GPATCH8: variants seen among roughly 807,000 people sequenced by gnomAD.
The protein encoded by GPATCH8 is G-patch domain containing 8.
In GPATCH8, 18 loss-of-function variants were observed where a neutral mutation model predicts 118.3. The observed-to-expected ratio is 0.15, with a 90% CI of 0.11 to 0.23. The LOEUF (loss-of-function observed/expected upper bound fraction) is 0.23, where lower values mean the gene tolerates loss of function less well. Ranked by LOEUF, GPATCH8 falls within the 10% of genes least tolerant of loss-of-function variation. GPATCH8 has a pLI of 1.00. For missense variants in GPATCH8, 1,631 were observed against 1,873.8 expected (o/e 0.87, Z 2.39); for synonymous variants, 659 against 684.7 (o/e 0.96, Z 0.59).
At chr17:44,461,006 T>C (rs1335039274) in intron 3 of GPATCH8, among the ~76,000 whole-genome samples, 1 of 152,182 alleles carries the variant, frequency 6.6e-6, no homozygotes, top group Admixed American at 6.5e-5. Flanking sequence ...CAATTCTTAA[T>C]GTTGGAAACA....
chr17:44,487,502 C>T (rs1968877225), intron 1 of GPATCH8, among the ~76,000 whole-genome samples: 1 of 152,176 alleles, frequency 6.6e-6, no homozygotes, highest in African/African-American at 2.4e-5. Context: ...AAGTTTTCAG[C>T]TCCTTTGGTT....
At chr17:44,404,300 G>A (rs2049138786) in intron 7 of GPATCH8, among the ~76,000 whole-genome samples, 2 of 151,928 alleles carry the variant, frequency 1.3e-5, no homozygotes, top group South Asian at 2.1e-4. Flanking sequence ...ACCATGCCCG[G>A]CTAATTTTTA....
At chr17:44,422,878 GAAAGAGTAAA>G (rs1009523316) in intron 6 of GPATCH8, among the ~76,000 whole-genome samples, 1 of 152,064 alleles carries the variant, frequency 6.6e-6, no homozygotes, top group Non-Finnish European at 1.5e-5. Flanking sequence ...ACCAGTCTTT[GAAAGAGTAAA>G]AAAGTAACTG....
chr17:44,437,894 AAAAC>A (rs2050563910), intron 3 of GPATCH8, among the ~76,000 whole-genome samples: 1 of 151,784 alleles, frequency 6.6e-6, no homozygotes, highest in Non-Finnish European at 1.5e-5. Context: ...TCACAGTAAA[AAAAC>A]AAAACAAAAA....
chr17:44,434,431 C>T (rs1191855002), intron 5 of GPATCH8, among the ~76,000 whole-genome samples: 22 of 152,130 alleles, frequency 1.4e-4, no homozygotes, highest in Admixed American at 1.2e-3. Flanking sequence ...GGGTCAAGCG[C>T]GGTGACTTAC....
chr17:44,487,028 T>C (rs35250455), intron 1 of GPATCH8, among the ~76,000 whole-genome samples: 2,776 of 152,322 alleles, frequency 0.018, 88 homozygotes, highest in African/African-American at 0.064. Flanking sequence ...AAGTCCATAG[T>C]ACATTAAGAT....
At chr17:44,407,697 C>T (rs2049284623) in intron 6 of GPATCH8, among the ~76,000 whole-genome samples, 1 of 150,538 alleles carries the variant, frequency 6.6e-6, no homozygotes, top group Admixed American at 6.6e-5. Context: ...CACTCTGTTG[C>T]CCAGGCTGGA....
Position 44,396,306 on chromosome 17 carries a change from G to C in GPATCH8, c.*1262C>G. 2.2e-6 allele frequency: 1 copy of C among 454,432 alleles called. No individual in the cohort carries two copies. The highest frequency in any genetic ancestry group is 4.4e-6 in the Non-Finnish European group (1 of 226,784). The allele number at this position is 454,432 out of a possible 1,614,324, so 28.1% of individuals were successfully genotyped here. A position where few individuals can be genotyped will look rare whatever the true frequency, so the allele number is the denominator to read the frequency against. ...GTTGAATCCCCTCCTTCTCCTCTGTGGGGTCTACCTGTTTCTCTGTGTAAA... is the reference window on the plus strand; with the variant it reads ...GTTGAATCCCCTCCTTCTCCTCTGTCGGGTCTACCTGTTTCTCTGTGTAAA... On this transcript the variant is annotated 3_prime_UTR_variant, in exon 8 of 8. Transcript: ENST00000591680.
chr17:44,405,559 C>G (rs113478183), intron 7 of GPATCH8, among the ~76,000 whole-genome samples: 2 of 147,178 alleles, frequency 1.4e-5, no homozygotes, highest in African/African-American at 5.1e-5. Flanking sequence ...GGCTGGAGTA[C>G]AGTGGTGCGA....
intron 5 of GPATCH8, among the ~76,000 whole-genome samples, chr17:44,430,929 G>A (rs1251258591): frequency 6.6e-6 from 1 of 151,552 alleles, no homozygotes; most frequent in Non-Finnish European, 1.5e-5. Context: ...GGGATTACAG[G>A]TGTGAGCCAC....
At chr17:44,404,162 G>C (rs2049132158) in intron 7 of GPATCH8, among the ~76,000 whole-genome samples, 2 of 151,962 alleles carry the variant, frequency 1.3e-5, no homozygotes, top group South Asian at 4.1e-4. Context: ...TTTTGAGACA[G>C]GGTCTTGCTC....
chr17:44,446,515 G>A (rs892593083), intron 3 of GPATCH8, among the ~76,000 whole-genome samples: 2 of 152,072 alleles, frequency 1.3e-5, no homozygotes, highest in East Asian at 1.9e-4. Context: ...CAGTGAAGCC[G>A]AGTTCACACC....
intron 6 of GPATCH8, among the ~76,000 whole-genome samples, chr17:44,417,447 G>A (rs1486353329): frequency 6.6e-6 from 1 of 152,038 alleles, no homozygotes; most frequent in Non-Finnish European, 1.5e-5. Context: ...TCGAACTTTT[G>A]GGCTCAAGTG....
chr17:44,468,867 G>A (rs1967042183), intron 2 of GPATCH8, among the ~76,000 whole-genome samples: 1 of 151,824 alleles, frequency 6.6e-6, no homozygotes, highest in Non-Finnish European at 1.5e-5. Context: ...AATAAATAAG[G>A]CAAAGCTTAT....
chr17:44,443,233 A>G (rs2050764026), intron 3 of GPATCH8, among the ~76,000 whole-genome samples: 1 of 152,264 alleles, frequency 6.6e-6, no homozygotes, highest in African/African-American at 2.4e-5. Context: ...TCTGATTTGC[A>G]AAAGTATTCA....
intron 1 of GPATCH8, among the ~76,000 whole-genome samples, chr17:44,483,209 A>ATATGTATG (rs1968473083): frequency 1.1e-5 from 1 of 90,720 alleles, no homozygotes; most frequent in African/African-American, 3.9e-5. Context: ...ATATATATAT[A>ATATGTATG]TATATATACA....
Position 44,436,509 on chromosome 17 carries a change from TCATACTTGACAA to T in GPATCH8, c.218_229del (p.Val73_Tyr76del). 6.6e-7 allele frequency: 1 copy of T among 1,511,832 alleles called. No individual in the cohort carries two copies. 93.7% of individuals were successfully genotyped at this position (1,511,832 alleles called of 1,614,324 possible). On this transcript the variant is annotated inframe_deletion, in exon 4 of 8. Transcript: ENST00000591680. The stretch of plus-strand genomic sequence containing the variant: ...TTCCATGCGACCCATGCCCATGACA[TCATACTTGACAA>T]CGATTGGAATGGGATCTGTTCTCCC...
chr17:44,427,256 C>T (rs1031301684), intron 5 of GPATCH8, among the ~76,000 whole-genome samples: 18 of 151,350 alleles, frequency 1.2e-4, no homozygotes, highest in Non-Finnish European at 2.4e-4. Context: ...TTGTATTTTT[C>T]GTAGAGACAG....
chr17:44,435,687 G>T (rs569243645), intron 4 of GPATCH8, among the ~76,000 whole-genome samples: 1 of 145,070 alleles, frequency 6.9e-6, no homozygotes, highest in Admixed American at 6.8e-5. Flanking sequence ...ACAGTGCTGG[G>T]ATTACAGGCG....
Sources: gnomAD v4.1 joint callset for allele counts (sites outside exome capture counted in the v4.1 genomes callset) on GRCh38, gnomAD v4.1.1 for gene constraint, MANE v1.5 for transcripts, NCBI Gene and HGNC (gene_info 2026-07-23, HGNC 2026-07-21) for gene names.